Variants in CCDC190 observed in about 807,000 individuals in gnomAD.
CCDC190 encodes the protein coiled-coil domain containing 190, also known as coiled-coil domain-containing protein 190.
Under a neutral mutation model 13.1 loss-of-function variants are expected in CCDC190, and 10 were observed. That is an observed-to-expected ratio of 0.77 (90% CI 0.47 to 1.30). CCDC190 has a LOEUF of 1.30. Among genes scored for constraint, CCDC190 ranks in the 50% most tolerant of loss-of-function variants. The pLI is 0.00. For missense variants in CCDC190, 375 were observed against 354.3 expected (o/e 1.06, Z -0.47); for synonymous variants, 136 against 127.2 (o/e 1.07, Z -0.47).
Position 162,855,172 on chromosome 1 carries a change from C to T in CCDC190, c.499G>A (p.Asp167Asn). 6.2e-7 allele frequency: 1 copy of T among 1,613,964 alleles called. No individual in the cohort carries two copies. The highest frequency in any genetic ancestry group is 1.1e-5 in the South Asian group (1 of 91,084). ...QEKDSVNPSKDVDPSKGISVP... is the reference protein window; with the variant it reads ...QEKDSVNPSKNVDPSKGISVP... ...GAGATGCCCTTGCTGGGGTCTACGT[C>T]CTTAGATGGATTCACAGAATCTTTC... Residue 167 changes from aspartate (D) to asparagine (N), a missense_variant, in exon 4 of 4, where the codon GAC (aspartate) becomes AAC (asparagine). By Grantham distance (23) the Asp-to-Asn change is conservative. Transcript: ENST00000367912.
upstream of CCDC190, among the ~76,000 whole-genome samples, chr1:162,863,788 A>C (rs1269096564): frequency 6.6e-6 from 1 of 152,186 alleles, no homozygotes; most frequent in Non-Finnish European, 1.5e-5. Flanking sequence ...TGGGAGGCCA[A>C]GACAGGCAGA....
intron 3 of CCDC190, 84 bp downstream of exon 3, chr1:162,855,548 T>A: frequency 1.3e-6 from 2 of 1,563,184 alleles, no homozygotes; most frequent in Non-Finnish European, 1.7e-6. Context: ...GAACGGAGCA[T>A]TTCTTCAGGA....
Position 162,854,631 on chromosome 1 carries a change from A to G in CCDC190, c.*134T>C, listed in dbSNP as rs533306514. The stretch of plus-strand genomic sequence containing the variant: ...AAGAAATATTATATTCCCGGAAAAT[A>G]ATAGGGAGTTTAAAATAAAATTGTA... On this transcript the variant is annotated 3_prime_UTR_variant, in exon 4 of 4. Transcript: ENST00000367912. 4.9e-5 allele frequency: 69 copies of G among 1,409,300 alleles called. 1 individual carries two copies. The East Asian group carries it at 1.0e-3, about 21-fold the overall frequency. 87.3% of individuals were successfully genotyped at this position (1,409,300 alleles called of 1,614,324 possible). A position where few individuals can be genotyped will look rare whatever the true frequency, so the allele number is the denominator to read the frequency against.
intron 3 of CCDC190, 34 bp downstream of exon 3, chr1:162,855,598 G>C: frequency 6.2e-7 from 1 of 1,609,512 alleles, no homozygotes; most frequent in Non-Finnish European, 8.5e-7. Context: ...GAGACTTAAT[G>C]TCATACCCAT....
chr1:162,861,900 G>A (rs1183626021), upstream of CCDC190, among the ~76,000 whole-genome samples: 1 of 151,976 alleles, frequency 6.6e-6, no homozygotes, highest in Non-Finnish European at 1.5e-5. Flanking sequence ...CTGAGAGGCA[G>A]GCAGCTAAAC....
chr1:162,860,461 C>T (rs528891436), intron 1 of CCDC190, among the ~76,000 whole-genome samples: 89 of 152,268 alleles, frequency 5.8e-4, no homozygotes, highest in African/African-American at 2.0e-3. Flanking sequence ...AGTAGGGACA[C>T]ATTTTTCTCT....
At chr1:162,859,925 CAAG>C (rs1650441797) in intron 1 of CCDC190, among the ~76,000 whole-genome samples, 1 of 147,152 alleles carries the variant, frequency 6.8e-6, no homozygotes, top group Admixed American at 6.8e-5. Flanking sequence ...GTCAGATTTC[CAAG>C]AAGATCAAGT....
chr1:162,855,596 A>G, intron 3 of CCDC190, 36 bp downstream of exon 3: 1 of 1,607,724 alleles, frequency 6.2e-7, no homozygotes, highest in Non-Finnish European at 8.5e-7. Flanking sequence ...GAGAGACTTA[A>G]TGTCATACCC....
rs916410705 is a variant in CCDC190, at chr1:162,854,608, G to T, written c.*157C>A. 23 of 1,396,854 alleles carry T rather than the reference G, an allele frequency of 1.6e-5. No homozygotes were observed. The highest frequency in any genetic ancestry group is 1.2e-4 in the African/African-American group (8 of 69,154). 86.5% of individuals were successfully genotyped at this position (1,396,854 alleles called of 1,614,324 possible). On this transcript the variant is annotated 3_prime_UTR_variant, in exon 4 of 4. Transcript: ENST00000367912. The stretch of plus-strand genomic sequence containing the variant: ...TCATATATTAGCATTGTTCATTCAA[G>T]AAATATTATATTCCCGGAAAATAAT...
At chr1:162,859,206 C>A (rs1474101286) in intron 2 of CCDC190, among the ~76,000 whole-genome samples, 1 of 152,132 alleles carries the variant, frequency 6.6e-6, no homozygotes, top group Non-Finnish European at 1.5e-5. Flanking sequence ...CAAGAAAGAG[C>A]TAACTTGAAA....
chr1:162,866,437 C>CA lies in CCDC190; in HGVS notation c.-13+2215dup, dbSNP rs572659990. On this transcript the variant is annotated intron_variant, in intron 1 of 3. Transcript: ENST00000367910. The stretch of plus-strand genomic sequence containing the variant: ...AAGAGTAAGACTCCATCTCAAAAAA[C>CA]AAAAAACAAAAAACCCTAAATAAAT... 3.4e-3 allele frequency among the ~76,000 whole-genome samples: 516 copies of CA among 150,730 alleles called. 3 individuals are homozygous for CA. Among genetic ancestry groups the CA allele is most frequent in the Middle Eastern group, 0.01 (3 of 294 alleles).
intron 1 of CCDC190, among the ~76,000 whole-genome samples, chr1:162,867,017 T>A (rs7525845): frequency 0.63 from 96,115 of 151,758 alleles, 32,814 homozygotes; most frequent in Non-Finnish European, 0.77. Context: ...GAAAAGAAAA[T>A]TTTTGTAAAC....
In CCDC190 at chr1:162,854,933, TAAG is replaced by T. The variant is rs1455069095; in HGVS notation, c.735_737del (p.Phe245del). 6.2e-7 allele frequency: 1 copy of T among 1,614,034 alleles called. No individual in the cohort carries two copies. The highest frequency in any genetic ancestry group is 8.5e-7 in the Non-Finnish European group (1 of 1,179,888). On this transcript the variant is annotated inframe_deletion, in exon 4 of 4. Transcript: ENST00000367912. ...CATTTCTGGCCTTTGAAAGCAACTC[TAAG>T]AAGGTTGGCTTTGTGAACTCGCCTT...
rs1177369751 is a variant in CCDC190, at chr1:162,851,658, G to A, written c.*3107C>T. 6.6e-6 allele frequency: 1 copy of A among 152,166 alleles called. No homozygotes were observed. The highest frequency in any genetic ancestry group is 1.5e-5 in the Non-Finnish European group (1 of 68,068). The allele number at this position is 152,166 out of a possible 1,614,324, so 9.4% of individuals were successfully genotyped here. A position where few individuals can be genotyped will look rare whatever the true frequency, so the allele number is the denominator to read the frequency against. ...AATGGAATCTTTTCCCATTGAATGA[G>A]TTAAGGCAACAAGTCAAAAGCCCCT... is the stretch of plus-strand genomic sequence containing the variant. On this transcript the variant is annotated 3_prime_UTR_variant, in exon 4 of 4. Transcript: ENST00000367912.
At chr1:162,856,860 G>C (rs1650321785) in intron 2 of CCDC190, among the ~76,000 whole-genome samples, 1 of 152,014 alleles carries the variant, frequency 6.6e-6, no homozygotes, top group Admixed American at 6.5e-5. Flanking sequence ...CTTTTGTGGG[G>C]GTTTCTTCCA....
At chr1:162,857,443 G>A (rs972659148) in intron 2 of CCDC190, among the ~76,000 whole-genome samples, 1 of 152,140 alleles carries the variant, frequency 6.6e-6, no homozygotes, top group African/African-American at 2.4e-5. Flanking sequence ...TGGAGACATT[G>A]GCTATTTTGT....
Position 162,855,143 on chromosome 1 carries a change from A to AACAG in CCDC190, c.524_527dup (p.Pro177CysfsTer18). 1 of 1,613,962 alleles carries AACAG rather than the reference A, an allele frequency of 6.2e-7. No homozygotes were observed. On this transcript the variant is annotated frameshift_variant, in exon 4 of 4. Coordinates refer to ENST00000367912, the MANE Select transcript of CCDC190 (RefSeq NM_001394065.1). LOFTEE classifies it low-confidence loss of function (END_TRUNC). ...TGGAAACCTCTTGATTTTGGCATGG[A>AACAG]ACAGAGATGCCCTTGCTGGGGTCTA...
chr1:162,854,806 C>T lies in CCDC190; in HGVS notation c.865G>A (p.Glu289Lys), dbSNP rs759608496. The change falls in exon 4 of 4, where the codon GAG (glutamate) becomes AAG (lysine). Residue 289 changes from glutamate to lysine, a missense_variant. Coordinates refer to ENST00000367912, the MANE Select transcript of CCDC190 (RefSeq NM_001394065.1). Reference sequence around the variant, plus strand: ...TTAGAAGGCACCCTGTTTTCACACTCCTTTCCTGCCCTGGATGATGAGGAT... The same window carrying T: ...TTAGAAGGCACCCTGTTTTCACACTTCTTTCCTGCCCTGGATGATGAGGAT... ...GESSSSRAGK[E>K]CENRVPSKFL... is the part of the protein sequence containing the mutation. The T allele has an allele frequency of 2.5e-6, 4 of 1,613,434 alleles. No homozygotes were observed. The highest frequency in any genetic ancestry group is 3.4e-6 in the Non-Finnish European group (4 of 1,179,480).
intron 1 of CCDC190, among the ~76,000 whole-genome samples, chr1:162,867,306 A>G (rs1322494891): frequency 6.6e-6 from 1 of 152,202 alleles, no homozygotes; most frequent in African/African-American, 2.4e-5. Context: ...TAGACAATCC[A>G]AAAGAATATA....
Sources: gnomAD v4.1 joint callset for allele counts (sites outside exome capture counted in the v4.1 genomes callset) on GRCh38, gnomAD v4.1.1 for gene constraint, MANE v1.5 for transcripts, NCBI Gene and HGNC (gene_info 2026-07-23, HGNC 2026-07-21) for gene names.